EML4: variants seen among roughly 807,000 people sequenced by gnomAD.
EML4 encodes EMAP like 4.
A neutral mutation model predicts 129.0 loss-of-function variants in EML4; 72 were observed. The observed-to-expected ratio is 0.56, with a 90% CI of 0.46 to 0.68. EML4 has a LOEUF of 0.68. Among genes scored for constraint, EML4 ranks in the 30% least tolerant of loss-of-function variants. The pLI is 0.00. For synonymous variants in EML4, 532 were observed against 405.0 expected, an observed-to-expected ratio of 1.31 and a Z score of -3.77; for missense variants, 1,363 against 1,190.6, an observed-to-expected ratio of 1.14 and a Z score of -2.13.
intron 20 of EML4, 44 bp from the exon 21 acceptor site, chr2:42,326,110 G>C: frequency 6.2e-7 from 1 of 1,606,528 alleles, no homozygotes; most frequent in South Asian, 1.1e-5. Context: ...AAATACATTT[G>C]TACACAAGCA....
chr2:42,276,191 A>G (rs1421827119), intron 6 of EML4, among the ~76,000 whole-genome samples: 1 of 152,148 alleles, frequency 6.6e-6, no homozygotes, highest in Admixed American at 6.6e-5. Context: ...TGTGCAGGCC[A>G]AAGGTATGTT....
intron 8 of EML4, 122 bp from the exon 9 acceptor site, chr2:42,284,512 A>T: frequency 1.8e-6 from 1 of 552,046 alleles, no homozygotes; most frequent in Non-Finnish European, 3.1e-6. Flanking sequence ...TTTGCTGAAG[A>T]AAACAGATAA....
chr2:42,258,498 TC>T (rs1343836385), intron 3 of EML4, among the ~76,000 whole-genome samples: 1 of 152,140 alleles, frequency 6.6e-6, no homozygotes, highest in South Asian at 2.1e-4. Flanking sequence ...CCTCCCGTGT[TC>T]AAGAGATTCT....
At chr2:42,217,969 G>A (rs1395250403) in intron 1 of EML4, among the ~76,000 whole-genome samples, 1 of 152,148 alleles carries the variant, frequency 6.6e-6, no homozygotes, top group Non-Finnish European at 1.5e-5. Flanking sequence ...AGTCAGATAT[G>A]GGGTGATCCT....
intron 1 of EML4, among the ~76,000 whole-genome samples, chr2:42,192,149 A>G (rs1671622743): frequency 6.7e-6 from 1 of 149,900 alleles, no homozygotes; most frequent in Non-Finnish European, 1.5e-5. Context: ...CCTAGTTTTG[A>G]ATGTAATTTC....
At position 42,282,844 on chromosome 2, in the gene EML4, C is replaced by T. The variant is rs372449699; in HGVS notation, c.813C>T (p.Asp271=). Reference sequence around the variant, plus strand: ...TAAGATATGGTTATCGAGGAAAGGACTGTAGAGCTAATGTTTACCTTCTTC... The same window carrying T: ...TAAGATATGGTTATCGAGGAAAGGATTGTAGAGCTAATGTTTACCTTCTTC... The part of the protein sequence containing the change: ...LEWAYGYRGK[D]CRANVYLLPT... The change falls in exon 8 of 23, where the codon GAC becomes GAT. Residue 271 remains aspartate, a synonymous_variant. Coordinates refer to ENST00000318522, the MANE Select transcript of EML4 (RefSeq NM_019063.5). The T allele has an allele frequency of 1.7e-5, 27 of 1,612,880 alleles. No homozygotes were observed. The African/African-American group carries it at 3.5e-4, about 21-fold the overall frequency.
chr2:42,240,948 C>T (rs549779450), intron 1 of EML4, among the ~76,000 whole-genome samples: 2 of 152,226 alleles, frequency 1.3e-5, no homozygotes, highest in South Asian at 4.1e-4. Flanking sequence ...AGTTTGAGAC[C>T]AGCCTGACCA....
chr2:42,224,318 C>T (rs1376005991), intron 1 of EML4, among the ~76,000 whole-genome samples: 3 of 152,110 alleles, frequency 2.0e-5, no homozygotes. Flanking sequence ...AGTCTTTTGT[C>T]ACTGGCTTCT....
chr2:42,191,991 T>G (rs879732577), intron 1 of EML4, among the ~76,000 whole-genome samples: 1 of 151,772 alleles, frequency 6.6e-6, no homozygotes, highest in Non-Finnish European at 1.5e-5. Flanking sequence ...AATACAAAAT[T>G]AACCAGGCAT....
chr2:42,250,524 A>G (rs1428320554), intron 2 of EML4, among the ~76,000 whole-genome samples: 2 of 152,218 alleles, frequency 1.3e-5, no homozygotes, highest in African/African-American at 4.8e-5. Flanking sequence ...TTTTGTGTGT[A>G]GAAGTATAGT....
intron 1 of EML4, among the ~76,000 whole-genome samples, chr2:42,243,773 G>A (rs1355660912): frequency 6.6e-6 from 1 of 152,160 alleles, no homozygotes; most frequent in African/African-American, 2.4e-5. Flanking sequence ...ATTGTTTACT[G>A]TTCCATAATG....
At chr2:42,254,755 A>G (rs944179526) in intron 2 of EML4, among the ~76,000 whole-genome samples, 2 of 152,156 alleles carry the variant, frequency 1.3e-5, no homozygotes, top group Non-Finnish European at 2.9e-5. Flanking sequence ...TGAACATACA[A>G]CAACCGTGAC....
chr2:42,252,577 C>G (rs1311400197), intron 2 of EML4, among the ~76,000 whole-genome samples: 1 of 152,168 alleles, frequency 6.6e-6, no homozygotes, highest in African/African-American at 2.4e-5. Context: ...TGCTACTTAA[C>G]TCCTCTCTGT....
chr2:42,189,639 T>G (rs1233738995), intron 1 of EML4, among the ~76,000 whole-genome samples: 1 of 152,142 alleles, frequency 6.6e-6, no homozygotes, highest in Non-Finnish European at 1.5e-5. Flanking sequence ...CTAACAATCT[T>G]AGGAATTAGA....
At chr2:42,221,169 A>T (rs1386116641) in intron 1 of EML4, among the ~76,000 whole-genome samples, 1 of 152,092 alleles carries the variant, frequency 6.6e-6, no homozygotes, top group Non-Finnish European at 1.5e-5. Context: ...TTATATTAGA[A>T]AAAGATGTTA....
chr2:42,178,629 G>C (rs750554381), intron 1 of EML4, among the ~76,000 whole-genome samples: 1 of 152,140 alleles, frequency 6.6e-6, no homozygotes, highest in Admixed American at 6.5e-5. Context: ...AGATCCCTGG[G>C]AGCCAAAAAC....
chr2:42,169,599 C>G lies in EML4; in HGVS notation c.-13C>G, dbSNP rs756468804. The G allele has an allele frequency of 3.1e-6, 5 of 1,599,302 alleles. No homozygotes were observed. In the South Asian group the frequency reaches 5.5e-5, roughly 18 times the overall value. ...GCCCCTCTAAGCCCGGAGCCCGGCGCTTTCCCCGCAAGATGGACGGTTTCG... is the reference window on the plus strand; with the variant it reads ...GCCCCTCTAAGCCCGGAGCCCGGCGGTTTCCCCGCAAGATGGACGGTTTCG... On this transcript the variant is annotated 5_prime_UTR_variant, in exon 1 of 23. Coordinates refer to ENST00000318522, the MANE Select transcript of EML4 (RefSeq NM_019063.5).
At chr2:42,265,650 C>A (rs1666018576) in intron 6 of EML4, among the ~76,000 whole-genome samples, 1 of 147,634 alleles carries the variant, frequency 6.8e-6, no homozygotes, top group Non-Finnish European at 1.5e-5. Context: ...GAGTTTTCTC[C>A]CTTAAAAAAA....
chr2:42,315,922 C>A, intron 17 of EML4, 40 bp from the exon 18 acceptor site: 2 of 1,419,702 alleles, frequency 1.4e-6, no homozygotes, highest in Non-Finnish European at 2.0e-6. Context: ...TCTATAAATG[C>A]TAATATCTGA....
Sources: allele counts gnomAD v4.1 joint callset (sites outside exome capture counted in the v4.1 genomes callset), GRCh38; gene constraint gnomAD v4.1.1; transcripts MANE v1.5; gene names NCBI Gene and HGNC (gene_info 2026-07-23, HGNC 2026-07-21).